Variants in ATP6V0E1 observed in about 807,000 individuals in gnomAD.
The protein encoded by ATP6V0E1 is ATPase H+ transporting V0 subunit e1.
Under a neutral mutation model 11.6 loss-of-function variants are expected in ATP6V0E1, and 4 were observed. The observed-to-expected ratio is 0.35, with a 90% CI of 0.17 to 0.79. The LOEUF (loss-of-function observed/expected upper bound fraction) is 0.79. Ranked by LOEUF, ATP6V0E1 falls within the 30% of genes least tolerant of loss-of-function variation. The pLI is 0.54. For missense variants in ATP6V0E1, 105 were observed against 100.0 expected, an observed-to-expected ratio of 1.05 and a Z score of -0.21; for synonymous variants, 36 against 34.8, an observed-to-expected ratio of 1.04 and a Z score of -0.13.
intron 3 of ATP6V0E1, among the ~76,000 whole-genome samples, chr5:173,030,984 G>A (rs113449588): frequency 0.1 from 15,626 of 149,488 alleles, 1,660 homozygotes; most frequent in African/African-American, 0.28. Flanking sequence ...TTGCTCTGTC[G>A]CCCAGACTGG....
At chr5:173,014,832 G>A (rs1221290637) in intron 2 of ATP6V0E1, among the ~76,000 whole-genome samples, 1 of 152,094 alleles carries the variant, frequency 6.6e-6, no homozygotes, top group Non-Finnish European at 1.5e-5. Context: ...ATGTTTGATT[G>A]CAAAATAGGG....
rs528899696 is a variant in ATP6V0E1 at position 173,005,142 on chromosome 5, C to A, written c.152+10320C>A. On this transcript the variant is annotated intron_variant, in intron 2 of 3. Coordinates refer to ENST00000519374, the MANE Select transcript of ATP6V0E1 (RefSeq NM_003945.4). ...AAAATAGCCACATATATTTTAAAATCAACTAGGCAGTTTCTACGAAAAAAA... is the reference window on the plus strand; with the variant it reads ...AAAATAGCCACATATATTTTAAAATAAACTAGGCAGTTTCTACGAAAAAAA... 5.2e-3 allele frequency among the ~76,000 whole-genome samples: 776 copies of A among 148,762 alleles called. 9 individuals carry two copies. The highest frequency in any genetic ancestry group is 0.018 in the African/African-American group (724 of 40,652).
chr5:173,003,459 C>CT (rs1756188208), intron 2 of ATP6V0E1, among the ~76,000 whole-genome samples: 3 of 152,098 alleles, frequency 2.0e-5, no homozygotes, highest in Non-Finnish European at 4.4e-5. Context: ...ATAGGAGATG[C>CT]TTTAAGATTT....
intron 2 of ATP6V0E1, among the ~76,000 whole-genome samples, chr5:173,003,685 A>G (rs1237090628): frequency 2.0e-5 from 3 of 152,286 alleles, no homozygotes; most frequent in Non-Finnish European, 4.4e-5. Flanking sequence ...GATGGATTAG[A>G]TGTAGGAAGA....
intron 3 of ATP6V0E1, among the ~76,000 whole-genome samples, chr5:173,034,062 C>T (rs1378088835): frequency 6.6e-6 from 1 of 152,148 alleles, no homozygotes; most frequent in Non-Finnish European, 1.5e-5. Context: ...CCCCTCCATG[C>T]TATAAGAGGG....
chr5:172,985,263 G>C (rs748935062), intron 1 of ATP6V0E1, among the ~76,000 whole-genome samples: 110 of 143,278 alleles, frequency 7.7e-4, no homozygotes, highest in Admixed American at 2.0e-3. Flanking sequence ...AAAAAAAAAA[G>C]AAAGAAAAAG....
At chr5:172,990,579 G>C (rs1022945523) in intron 1 of ATP6V0E1, among the ~76,000 whole-genome samples, 2 of 151,378 alleles carry the variant, frequency 1.3e-5, no homozygotes, top group Non-Finnish European at 2.9e-5. Flanking sequence ...CTGTAATCCC[G>C]GCACTTTGGA....
chr5:172,992,012 GTCTT>G (rs767952982), intron 1 of ATP6V0E1, among the ~76,000 whole-genome samples: 5 of 144,870 alleles, frequency 3.5e-5, no homozygotes, highest in Non-Finnish European at 3.0e-5. Flanking sequence ...CTTTCTGTCT[GTCTT>G]TCTGTCTTTC....
At chr5:173,017,419 A>G (rs1003208272) in intron 2 of ATP6V0E1, among the ~76,000 whole-genome samples, 5 of 151,890 alleles carry the variant, frequency 3.3e-5, no homozygotes, top group African/African-American at 1.2e-4. Context: ...CTGTAATCCC[A>G]ACTACTCGGG....
chr5:173,013,138 C>T (rs111452374), intron 2 of ATP6V0E1, among the ~76,000 whole-genome samples: 6 of 151,864 alleles, frequency 4.0e-5, no homozygotes, highest in Non-Finnish European at 8.8e-5. Flanking sequence ...GCTGTGATTG[C>T]GCCACTCCAG....
At chr5:172,985,260 AAAG>A (rs1360922637) in intron 1 of ATP6V0E1, among the ~76,000 whole-genome samples, 2 of 151,914 alleles carry the variant, frequency 1.3e-5, no homozygotes, top group East Asian at 1.9e-4. Flanking sequence ...AAAAAAAAAA[AAAG>A]AAAGAAAAAG....
chr5:173,011,175 C>CTTTT (rs754605378), intron 2 of ATP6V0E1, among the ~76,000 whole-genome samples: 43 of 114,702 alleles, frequency 3.7e-4, no homozygotes, highest in African/African-American at 1.1e-3. Context: ...CCTGATTTAT[C>CTTTT]TTTTTTTTTT....
rs1581635152 is a variant in ATP6V0E1 at position 173,021,683 on chromosome 5, A to C, written c.*36+1316A>C. On this transcript the variant is annotated intron_variant, in intron 3 of 3. Coordinates refer to ENST00000519374, the MANE Select transcript of ATP6V0E1 (RefSeq NM_003945.4). ...ACACCTCCCACCAGGCCCCACCTCC[A>C]TCATTGGGGATCACATTTCAACATG... is the stretch of plus-strand genomic sequence containing the variant. Among the ~76,000 whole-genome samples the C allele has an allele frequency of 3.9e-5, 6 of 152,134 alleles. No individual in the cohort carries two copies. The South Asian group carries it at 1.2e-3, about 32-fold the overall frequency.
intron 1 of ATP6V0E1, among the ~76,000 whole-genome samples, chr5:172,993,397 T>C (rs1387519210): frequency 6.6e-6 from 1 of 151,880 alleles, no homozygotes; most frequent in Non-Finnish European, 1.5e-5. Context: ...TAATCTCAGC[T>C]ACTTGGGCTG....
intron 1 of ATP6V0E1, among the ~76,000 whole-genome samples, chr5:172,992,241 C>T (rs997863590): frequency 1.5e-4 from 23 of 152,178 alleles, no homozygotes; most frequent in Non-Finnish European, 2.2e-4. Context: ...TCAGTAGAGA[C>T]GGGGTTTCAC....
At chr5:173,017,571 A>C (rs1220455041) in intron 2 of ATP6V0E1, among the ~76,000 whole-genome samples, 1 of 125,880 alleles carries the variant, frequency 7.9e-6, no homozygotes, top group Non-Finnish European at 1.7e-5. Context: ...GGCCGGCTGC[A>C]GTGGCTCACG....
intron 2 of ATP6V0E1, among the ~76,000 whole-genome samples, chr5:172,997,472 C>G (rs553721380): frequency 1.3e-5 from 2 of 151,910 alleles, no homozygotes; most frequent in African/African-American, 4.8e-5. Flanking sequence ...CTTTAAAAAT[C>G]TGTTACTCCT....
intron 2 of ATP6V0E1, among the ~76,000 whole-genome samples, chr5:173,001,246 A>C (rs571642359): frequency 2.5e-4 from 38 of 152,290 alleles, no homozygotes; most frequent in Non-Finnish European, 4.7e-4. Context: ...TGTCCTCTTT[A>C]ATAAGGAGAA....
chr5:173,000,171 G>T (rs978182907), intron 2 of ATP6V0E1, among the ~76,000 whole-genome samples: 1 of 152,050 alleles, frequency 6.6e-6, no homozygotes, highest in African/African-American at 2.4e-5. Context: ...GTGCCAGTTT[G>T]TTCTAGTTTA....
Sources: gnomAD v4.1 joint callset for allele counts (sites outside exome capture counted in the v4.1 genomes callset) on GRCh38, gnomAD v4.1.1 for gene constraint, MANE v1.5 for transcripts, NCBI Gene and HGNC (gene_info 2026-07-23, HGNC 2026-07-21) for gene names.